The following ZNF529 variants were observed in gnomAD, a reference collection of about 807,000 sequenced individuals.
The protein encoded by ZNF529 is zinc finger protein 529.
In ZNF529, 11 loss-of-function variants were observed where a neutral mutation model predicts 10.1. That is an observed-to-expected ratio of 1.09 (90% CI 0.69 to 1.81). ZNF529 has a LOEUF of 1.81. ZNF529 is among the 40% of genes most tolerant of loss of function. The pLI, the probability that ZNF529 is intolerant of heterozygous loss-of-function variation, is 0.00. For synonymous variants in ZNF529, 204 were observed against 215.7 expected (o/e 0.95, Z 0.47); for missense variants, 624 against 666.8 (o/e 0.94, Z 0.71).
At chr19:36,558,584 C>A (rs2035566094) in intron 2 of ZNF529, among the ~76,000 whole-genome samples, 1 of 152,004 alleles carries the variant, frequency 6.6e-6, no homozygotes, top group African/African-American at 2.4e-5. Flanking sequence ...AATCCATCAA[C>A]ACATAAAAAA....
At chr19:36,575,548 C>G (rs1297598846), upstream of ZNF529, among the ~76,000 whole-genome samples, 1 of 142,784 alleles carries the variant, frequency 7.0e-6, no homozygotes, top group Non-Finnish European at 1.5e-5. Flanking sequence ...AGTAAAAGTA[C>G]TTGAAATACT....
At position 36,555,288 on chromosome 19, in the gene ZNF529, GT is replaced by G. The variant is rs1174016214; in HGVS notation, c.109-493del. ...AACAATTATTACTTCCAGCGATAAA[GT>G]TTTTTTTTTTTTTTTGAGACGGAGT... On this transcript the variant is annotated intron_variant, in intron 3 of 4. Transcript: ENST00000591340. 3.5e-4 allele frequency among the ~76,000 whole-genome samples: 32 copies of G among 90,248 alleles called. 5 individuals carry two copies. The highest frequency in any genetic ancestry group is 4.2e-4 in the Non-Finnish European group (19 of 44,990). 59.2% of individuals were successfully genotyped at this position (90,248 alleles called of 152,430 possible).
At chr19:36,571,669 C>A (rs1333196115) in intron 2 of ZNF529, among the ~76,000 whole-genome samples, 3 of 99,350 alleles carry the variant, frequency 3.0e-5, no homozygotes, top group African/African-American at 1.3e-4. Context: ...CAGTGAAACT[C>A]TGTCTCAAAA....
rs755112879 is a variant in ZNF529 at position 36,548,192 on chromosome 19, G to A, written c.366C>T (p.Asp122=). 3.7e-6 allele frequency: 6 copies of A among 1,613,702 alleles called. No homozygotes were observed. The highest frequency in any genetic ancestry group is 5.1e-6 in the Non-Finnish European group (6 of 1,179,860). Residue 122 remains aspartate, a synonymous_variant, in exon 5 of 5, where the codon GAC becomes GAT. Transcript: ENST00000591340. The stretch of plus-strand genomic sequence containing the variant: ...AGTCAATCTTGCTTTTGCTTTGCCA[G>A]TCATTTCTGAAAATGGAACCTTCAA... ...CGLEGSIFRN[D]WQSKSKIDLQ...
intron 1 of ZNF529, 31 bp from the exon 2 acceptor site, chr19:36,572,423 G>A: frequency 6.7e-7 from 1 of 1,491,602 alleles, no homozygotes; most frequent in Non-Finnish European, 9.1e-7. Flanking sequence ...AAGGACTCAT[G>A]ACATCCTGGA....
Position 36,573,140 on chromosome 19 carries a change from C to A in ZNF529, c.-47G>T. On this transcript the variant is annotated splice_region_variant and 5_prime_UTR_variant, in exon 1 of 5. Transcript: ENST00000591340. ...TGACGTCGTAAACAATAGCACTAAC[C>A]ACCATCGTCCGCAGCTCCCGCGTAC... The A allele has an allele frequency of 3.3e-6, 1 of 300,120 alleles. No individual in the cohort carries two copies. The highest frequency in any genetic ancestry group is 6.8e-6 in the Non-Finnish European group (1 of 146,652). The allele number at this position is 300,120 out of a possible 1,614,324, so 18.6% of individuals were successfully genotyped here. A position where few individuals can be genotyped will look rare whatever the true frequency, so the allele number is the denominator to read the frequency against.
upstream of ZNF529, among the ~76,000 whole-genome samples, chr19:36,576,810 A>G (rs1386618503): frequency 2.0e-5 from 3 of 151,992 alleles, no homozygotes; most frequent in Non-Finnish European, 4.4e-5. Flanking sequence ...TGAATTAAAT[A>G]AGCATATGTT....
chr19:36,571,179 A>G (rs1430988321), intron 2 of ZNF529, among the ~76,000 whole-genome samples: 6 of 152,354 alleles, frequency 3.9e-5, no homozygotes, highest in African/African-American at 1.4e-4. Flanking sequence ...AATTCACCCT[A>G]AACACTGAAA....
chr19:36,575,839 T>TTTTTG (rs1555789175), upstream of ZNF529, among the ~76,000 whole-genome samples: 9 of 152,040 alleles, frequency 5.9e-5, no homozygotes, highest in Non-Finnish European at 1.2e-4. Flanking sequence ...ATGTGTTTTT[T>TTTTTG]TTTTGTTTTG....
chr19:36,573,392 C>T (rs2036221238), upstream of ZNF529: 1 of 465,062 alleles, frequency 2.2e-6, no homozygotes, highest in Admixed American at 2.4e-5. Context: ...TCAAGCGGAG[C>T]CCGCTGGCCG....
chr19:36,561,406 A>G (rs1324310105), intron 2 of ZNF529, among the ~76,000 whole-genome samples: 1 of 148,816 alleles, frequency 6.7e-6, no homozygotes, highest in Admixed American at 6.7e-5. Flanking sequence ...TTTTTGAGAC[A>G]GACTCTCACT....
At chr19:36,600,893 A>T (rs1314720008) in intron 1 of ZNF529, among the ~76,000 whole-genome samples, 8 of 152,188 alleles carry the variant, frequency 5.3e-5, no homozygotes, top group African/African-American at 1.9e-4. Context: ...ACTATTGAAA[A>T]AGTTAAAATC....
At chr19:36,605,089 C>T (rs1041383742) in intron 1 of ZNF529, 1 of 152,574 alleles carries the variant, frequency 6.6e-6, no homozygotes, top group East Asian at 1.9e-4. Flanking sequence ...CTGCCGTGAG[C>T]TCTTCTCGCA....
upstream of ZNF529, among the ~76,000 whole-genome samples, chr19:36,576,779 A>G (rs1452212632): frequency 6.6e-6 from 1 of 151,844 alleles, no homozygotes; most frequent in Non-Finnish European, 1.5e-5. Context: ...TTTCACTCCT[A>G]TAAACAGAAA....
At chr19:36,587,896 C>G (rs2967423) in intron 2 of ZNF529, among the ~76,000 whole-genome samples, 151,984 of 152,306 alleles carry the variant, frequency 1, 75,838 homozygotes, top group Middle Eastern at 1. Context: ...GGATTTCTTT[C>G]GGAGATACAT....
chr19:36,556,049 T>G, intron 3 of ZNF529, 55 bp downstream of exon 3: 2 of 1,533,600 alleles, frequency 1.3e-6, no homozygotes, highest in Non-Finnish European at 1.8e-6. Flanking sequence ...AGGTGTTTGG[T>G]AGGAAGAATC....
intron 1 of ZNF529, among the ~76,000 whole-genome samples, chr19:36,596,219 G>A (rs955834605): frequency 4.6e-5 from 7 of 151,416 alleles, no homozygotes; most frequent in Admixed American, 6.6e-5. Context: ...GACTACAGGC[G>A]TGTGCCACCA....
intron 2 of ZNF529, among the ~76,000 whole-genome samples, chr19:36,579,360 G>C (rs1242545487): frequency 1.3e-5 from 2 of 152,168 alleles, no homozygotes; most frequent in African/African-American, 2.4e-5. Context: ...GCAGGAGATA[G>C]GTAACAGTCA....
Position 36,546,907 on chromosome 19 carries a change from A to T in ZNF529, c.1651T>A (p.Cys551Ser). 6.2e-7 allele frequency: 1 copy of T among 1,611,708 alleles called. No individual in the cohort carries two copies. The highest frequency in any genetic ancestry group is 8.5e-7 in the Non-Finnish European group (1 of 1,178,790). ...TCACCAGTGTAAATTTTCGGTTGGC[A>T]AGTAAGATGCCCAACAACACTAAAG... ...NSFSVVGHLT[C>S]QPKIYTGEKS... Residue 551 changes from cysteine (C) to serine (S), a missense_variant, in exon 5 of 5, where the codon TGC (cysteine) becomes AGC (serine). Transcript: ENST00000591340.
Sources: gnomAD v4.1 joint callset for allele counts (sites outside exome capture counted in the v4.1 genomes callset) on GRCh38, gnomAD v4.1.1 for gene constraint, MANE v1.5 for transcripts, NCBI Gene and HGNC (gene_info 2026-07-23, HGNC 2026-07-21) for gene names.